ANLN: variants seen among roughly 807,000 people sequenced by gnomAD.
The protein encoded by ANLN is anillin.
Under a neutral mutation model 135.1 loss-of-function variants are expected in ANLN, and 59 were observed. The observed-to-expected ratio is 0.44, with a 90% confidence interval of 0.35 to 0.54. ANLN has a LOEUF of 0.54. Ranked by LOEUF, ANLN falls within the 20% of genes least tolerant of loss-of-function variation. ANLN has a pLI of 0.00. For missense variants in ANLN, 1,182 were observed against 1,340.0 expected, an observed-to-expected ratio of 0.88 and a Z score of 1.84; for synonymous variants, 406 against 456.4, an observed-to-expected ratio of 0.89 and a Z score of 1.41.
At chr7:36,420,503 C>T in intron 11 of ANLN, 94 bp from the exon 12 acceptor site, 1 of 1,267,308 alleles carries the variant, frequency 7.9e-7, no homozygotes, top group Non-Finnish European at 1.1e-6. Flanking sequence ...CTGACATGTT[C>T]AATATCAGTG....
intron 9 of ANLN, among the ~76,000 whole-genome samples, chr7:36,418,653 C>G (rs1787745347): frequency 6.6e-6 from 1 of 152,080 alleles, no homozygotes; most frequent in Non-Finnish European, 1.5e-5. Context: ...AAGTCTTTGG[C>G]TATTATTCTA....
In ANLN at chr7:36,428,776, AT is replaced by A. The variant is rs35428425; in HGVS notation, c.2883+1768del. On this transcript the variant is annotated intron_variant, in intron 20 of 23. Coordinates refer to ENST00000265748, the MANE Select transcript of ANLN (RefSeq NM_018685.5). ...TTGGTGATGTTTTAAATAAAAGCAG[AT>A]TTTTTTTTTTTTTTTTTTTGAGACG... Among the ~76,000 whole-genome samples the A allele has an allele frequency of 1.4e-3, 163 of 114,598 alleles. 1 individual carries two copies. The Middle Eastern group carries it at 0.019, about 13-fold the overall frequency. 75.2% of individuals were successfully genotyped at this position (114,598 alleles called of 152,430 possible).
At chr7:36,419,741 T>C (rs1228540076) in intron 10 of ANLN, among the ~76,000 whole-genome samples, 1 of 152,226 alleles carries the variant, frequency 6.6e-6, no homozygotes, top group African/African-American at 2.4e-5. Flanking sequence ...GACTGTTTAT[T>C]GGTCAGGTTA....
intron 7 of ANLN, among the ~76,000 whole-genome samples, chr7:36,415,538 A>C (rs1787603418): frequency 6.6e-6 from 1 of 152,102 alleles, no homozygotes; most frequent in East Asian, 1.9e-4. Flanking sequence ...CCTCTCCAAA[A>C]AAATTTTTAC....
chr7:36,445,328 G>A (rs61290681), intron 22 of ANLN, among the ~76,000 whole-genome samples: 1 of 151,822 alleles, frequency 6.6e-6, no homozygotes, highest in African/African-American at 2.4e-5. Flanking sequence ...GAGCATTTCA[G>A]ATTTCAAGAT....
rs1222360044 is a variant in ANLN, at chr7:36,431,597, GTATATATATATATATATATAA to G, written c.2883+4585_2883+4605del. On this transcript the variant is annotated intron_variant, in intron 20 of 23. Coordinates refer to ENST00000265748, the MANE Select transcript of ANLN (RefSeq NM_018685.5). ...TGTGTGTGTGTGTGTGTGTGTGTGT[GTATATATATATATATATATAA>G]TATATATATATATATTACCATTTTA... Among the ~76,000 whole-genome samples the G allele has an allele frequency of 3.1e-3, 84 of 27,442 alleles. No homozygotes were observed. The East Asian group carries it at 0.073, about 24-fold the overall frequency. The allele number at this position is 27,442 out of a possible 152,430, so 18.0% of individuals were successfully genotyped here.
intron 21 of ANLN, 108 bp downstream of exon 21, chr7:36,439,398 G>C: frequency 1.5e-6 from 1 of 672,804 alleles, no homozygotes; most frequent in Non-Finnish European, 2.5e-6. Flanking sequence ...AGTTGGTTCA[G>C]TAAAGATTTG....
intron 21 of ANLN, among the ~76,000 whole-genome samples, chr7:36,441,632 G>A (rs1488018962): frequency 6.6e-6 from 1 of 152,120 alleles, no homozygotes; most frequent in African/African-American, 2.4e-5. Flanking sequence ...CAATTTTTGT[G>A]GTCTGTGTGA....
chr7:36,396,452 C>A, intron 2 of ANLN, 33 bp downstream of exon 2: 1 of 1,518,224 alleles, frequency 6.6e-7, no homozygotes. Flanking sequence ...ATAACATTTA[C>A]TTTTTTTTTC....
At chr7:36,438,591 T>C (rs952773045) in intron 20 of ANLN, among the ~76,000 whole-genome samples, 2 of 152,184 alleles carry the variant, frequency 1.3e-5, no homozygotes, top group African/African-American at 4.8e-5. Context: ...AGGCTGGTCA[T>C]GAGCTCCTGG....
In ANLN at chr7:36,452,736, AG is replaced by A; in HGVS notation, c.*137del. On this transcript the variant is annotated 3_prime_UTR_variant, in exon 24 of 24. Transcript: ENST00000265748. ...TGCCAATATTCACTACGTATTATGC[AG>A]TATTTATATCTTTTGTATGTAAAAC... is the stretch of plus-strand genomic sequence containing the variant. 1 of 956,322 alleles carries A rather than the reference AG, an allele frequency of 1.0e-6. No individual in the cohort carries two copies. Among genetic ancestry groups the A allele is most frequent in the Non-Finnish European group, 1.5e-6 (1 of 646,204 alleles). 59.2% of individuals were successfully genotyped at this position (956,322 alleles called of 1,614,324 possible).
rs1242587654 is a variant in ANLN, at chr7:36,427,038, C to T, written c.2883+10C>T. On this transcript the variant is annotated intron_variant, in intron 20 of 23. Coordinates refer to ENST00000265748, the MANE Select transcript of ANLN (RefSeq NM_018685.5). ...GTTTGTTCTGGACAAGGTAATCCAA[C>T]TTTATTTCTAAGGGTGTGGTGTTTT... is the stretch of plus-strand genomic sequence containing the variant. The T allele has an allele frequency of 2.1e-5, 33 of 1,544,728 alleles. No individual in the cohort carries two copies. The highest frequency in any genetic ancestry group is 2.9e-5 in the Non-Finnish European group (33 of 1,132,838).
chr7:36,407,955 A>G lies in ANLN; in HGVS notation c.1095A>G (p.Pro365=), dbSNP rs1787261299. The change falls in exon 5 of 24, where the codon CCA becomes CCG. Residue 365 remains proline, a splice_region_variant and synonymous_variant. Coordinates refer to ENST00000265748, the MANE Select transcript of ANLN (RefSeq NM_018685.5). ...QSQSKDKSTT[P]GGTGIKPFLE... ...AATCTAAAGACAAATCTACGACACC[A>G]GGTTACGTATTTATAAAAAATTTAG... The G allele has an allele frequency of 6.2e-7, 1 of 1,607,374 alleles. No individual in the cohort carries two copies. The highest frequency in any genetic ancestry group is 8.5e-7 in the Non-Finnish European group (1 of 1,176,400).
Position 36,407,883 on chromosome 7 carries a change from A to T in ANLN, c.1023A>T (p.Thr341=). The change falls in exon 5 of 24, where the codon ACA becomes ACT. Residue 341 remains threonine (T), a synonymous_variant. Coordinates refer to ENST00000265748, the MANE Select transcript of ANLN (RefSeq NM_018685.5). ...TTGTGAAGTCAACTTTATCCCAGAC[A>T]GTTCCATCCAAGGGAGAATTAAGTA... The part of the protein sequence containing the change: ...KPIVKSTLSQ[T]VPSKGELSRE... 1 of 1,613,942 alleles carries T rather than the reference A, an allele frequency of 6.2e-7. No homozygotes were observed. The highest frequency in any genetic ancestry group is 2.2e-5 in the East Asian group (1 of 44,840).
At chr7:36,405,968 A>C (rs1482567864) in intron 3 of ANLN, among the ~76,000 whole-genome samples, 1 of 152,200 alleles carries the variant, frequency 6.6e-6, no homozygotes, top group Non-Finnish European at 1.5e-5. Context: ...AATAGATCTA[A>C]TAGTTTTTTT....
intron 5 of ANLN, among the ~76,000 whole-genome samples, chr7:36,409,912 T>G (rs1583609065): frequency 6.6e-6 from 1 of 152,038 alleles, no homozygotes; most frequent in South Asian, 2.1e-4. Context: ...GCTCAAGAGA[T>G]CCACCCGCCT....
At chr7:36,426,834 C>T in intron 19 of ANLN, 82 bp from the exon 20 acceptor site, 1 of 703,578 alleles carries the variant, frequency 1.4e-6, no homozygotes, top group Non-Finnish European at 2.2e-6. Flanking sequence ...TAATTTTCTT[C>T]TACTGGGATG....
At chr7:36,394,760 C>T (rs1023575828) in intron 1 of ANLN, among the ~76,000 whole-genome samples, 4 of 152,236 alleles carry the variant, frequency 2.6e-5, no homozygotes, top group Admixed American at 2.6e-4. Context: ...AATTTTTCAG[C>T]CTGCACTAAC....
At chr7:36,418,754 CTTTTTT>C (rs71553066) in intron 9 of ANLN, among the ~76,000 whole-genome samples, 1 of 143,806 alleles carries the variant, frequency 7.0e-6, no homozygotes, top group East Asian at 2.0e-4. Flanking sequence ...TTTCTTTTTT[CTTTTTT>C]TTTTTTGTCT....
Sources: allele counts gnomAD v4.1 joint callset (sites outside exome capture counted in the v4.1 genomes callset), GRCh38; gene constraint gnomAD v4.1.1; transcripts MANE v1.5; gene names NCBI Gene and HGNC (gene_info 2026-07-23, HGNC 2026-07-21).